The following PCSK2 variants were observed in gnomAD, a reference collection of about 807,000 sequenced individuals.
PCSK2 encodes the protein proprotein convertase subtilisin/kexin type 2.
PCSK2 carries 14 observed loss-of-function variants against 69.7 expected under a neutral mutation model. The observed-to-expected ratio is 0.20, with a 90% CI of 0.13 to 0.31. PCSK2 has a LOEUF of 0.31. Among genes scored for constraint, PCSK2 ranks in the 10% least tolerant of loss-of-function variants. The pLI is 1.00. For synonymous variants in PCSK2, 307 were observed against 320.7 expected (o/e 0.96, Z 0.46); for missense variants, 544 against 842.5 (o/e 0.65, Z 4.39).
intron 7 of PCSK2, among the ~76,000 whole-genome samples, chr20:17,435,852 G>A (rs557035192): frequency 1.1e-4 from 16 of 152,282 alleles, no homozygotes; most frequent in African/African-American, 3.9e-4. Flanking sequence ...ACCCAATGGC[G>A]GCTACTGAGA....
At chr20:17,392,558 TC>T (rs1345264639) in intron 5 of PCSK2, among the ~76,000 whole-genome samples, 2 of 152,164 alleles carry the variant, frequency 1.3e-5, no homozygotes, top group African/African-American at 4.8e-5. Flanking sequence ...AGGCAGAACA[TC>T]CCCATCACCC....
chr20:17,418,254 A>G (rs1055681325), intron 6 of PCSK2, among the ~76,000 whole-genome samples: 4 of 152,232 alleles, frequency 2.6e-5, no homozygotes, highest in African/African-American at 9.6e-5. Context: ...CAGAGAGGTT[A>G]AGTTACTTGT....
chr20:17,268,389 A>G (rs1006757512), intron 2 of PCSK2, among the ~76,000 whole-genome samples: 1 of 152,142 alleles, frequency 6.6e-6, no homozygotes, highest in Admixed American at 6.6e-5. Context: ...AGGGAGAGCC[A>G]TAGAGGGGTG....
chr20:17,233,765 A>G (rs1329272373), intron 1 of PCSK2, among the ~76,000 whole-genome samples: 2 of 152,178 alleles, frequency 1.3e-5, no homozygotes, highest in Non-Finnish European at 2.9e-5. Flanking sequence ...CTCCTTCTTC[A>G]TGGGCTGCAG....
intron 1 of PCSK2, among the ~76,000 whole-genome samples, chr20:17,254,399 AT>A (rs1053404220): frequency 5.3e-5 from 8 of 152,094 alleles, no homozygotes; most frequent in African/African-American, 1.7e-4. Context: ...ATCCAAATTC[AT>A]TTTTTTCATG....
At chr20:17,347,816 GAAAGAAAGA>G (rs2123185714) in intron 2 of PCSK2, among the ~76,000 whole-genome samples, 1 of 124,052 alleles carries the variant, frequency 8.1e-6, no homozygotes, top group East Asian at 2.3e-4. Context: ...AAGAAAGAAA[GAAAGAAAGA>G]AAGAAAGAAA....
chr20:17,286,908 T>A (rs753316494), intron 2 of PCSK2, among the ~76,000 whole-genome samples: 8 of 152,216 alleles, frequency 5.3e-5, no homozygotes, highest in Non-Finnish European at 1.2e-4. Flanking sequence ...GAGATATTTA[T>A]TTTAAGGAAT....
chr20:17,304,410 T>C (rs987723016), intron 2 of PCSK2, among the ~76,000 whole-genome samples: 1 of 152,200 alleles, frequency 6.6e-6, no homozygotes, highest in African/African-American at 2.4e-5. Flanking sequence ...AATTTCAGCA[T>C]AACATTCTTT....
At chr20:17,362,697 C>T (rs2030441071) in intron 4 of PCSK2, among the ~76,000 whole-genome samples, 1 of 152,206 alleles carries the variant, frequency 6.6e-6, no homozygotes, top group Admixed American at 6.5e-5. Context: ...CTGGAATGGG[C>T]ACCGGTAACT....
intron 10 of PCSK2, among the ~76,000 whole-genome samples, chr20:17,459,505 T>C (rs2032978275): frequency 6.6e-6 from 1 of 152,202 alleles, no homozygotes; most frequent in African/African-American, 2.4e-5. Context: ...AATAGTTTCC[T>C]GAAGTGGGTG....
intron 1 of PCSK2, among the ~76,000 whole-genome samples, chr20:17,238,307 T>C (rs1214542750): frequency 6.6e-6 from 1 of 152,134 alleles, no homozygotes; most frequent in Non-Finnish European, 1.5e-5. Context: ...GAGATTGCTA[T>C]CCCACCAGAA....
At chr20:17,409,979 A>G (rs1157634244) in intron 6 of PCSK2, among the ~76,000 whole-genome samples, 1 of 152,258 alleles carries the variant, frequency 6.6e-6, no homozygotes, top group Non-Finnish European at 1.5e-5. Flanking sequence ...ATGAAGAAAT[A>G]AAGATGTGCG....
chr20:17,309,817 A>G (rs1379241504), intron 2 of PCSK2, among the ~76,000 whole-genome samples: 1 of 141,872 alleles, frequency 7.0e-6, no homozygotes, highest in African/African-American at 2.6e-5. Flanking sequence ...GACTCCATCA[A>G]AAGGAGAGAA....
chr20:17,446,032 C>G (rs1343288097), intron 8 of PCSK2, among the ~76,000 whole-genome samples: 3 of 152,176 alleles, frequency 2.0e-5, no homozygotes, highest in Admixed American at 2.0e-4. Flanking sequence ...GTTGGTCACC[C>G]ACCCTTTGGC....
chr20:17,416,880 G>T (rs999593194), intron 6 of PCSK2, among the ~76,000 whole-genome samples: 7 of 152,290 alleles, frequency 4.6e-5, no homozygotes, highest in Middle Eastern at 3.4e-3. Context: ...CAGGGACATG[G>T]ATGAAGCTGG....
rs375096761 is a variant in PCSK2, at chr20:17,436,698, G to T, written c.710-10G>T. On this transcript the variant is annotated splice_polypyrimidine_tract_variant and intron_variant, in intron 7 of 11. Coordinates refer to ENST00000262545, the MANE Select transcript of PCSK2 (RefSeq NM_002594.5). ...CCAAACATGGTGTCCTCTGCTCAAC[G>T]TGTCCACAGGCATCCGGATGCTGGA... is the stretch of plus-strand genomic sequence containing the variant. 1 of 1,607,678 alleles carries T rather than the reference G, an allele frequency of 6.2e-7. No homozygotes were observed. Among genetic ancestry groups the T allele is most frequent in the African/African-American group, 1.3e-5 (1 of 74,820 alleles).
At chr20:17,358,136 C>CA (rs935520451) in intron 2 of PCSK2, among the ~76,000 whole-genome samples, 191 bp from the exon 3 acceptor site, 6 of 151,222 alleles carry the variant, frequency 4.0e-5, no homozygotes, top group East Asian at 1.9e-4. Flanking sequence ...CGAGACCCCC[C>CA]CTAATCTCTA....
intron 2 of PCSK2, among the ~76,000 whole-genome samples, chr20:17,308,429 C>CA (rs890009872): frequency 2.0e-5 from 3 of 152,112 alleles, no homozygotes; most frequent in Non-Finnish European, 4.4e-5. Flanking sequence ...TGAATCCCCC[C>CA]AAAAAAGAAC....
chr20:17,243,038 A>T (rs1454609671), intron 1 of PCSK2, among the ~76,000 whole-genome samples: 1 of 152,094 alleles, frequency 6.6e-6, no homozygotes, highest in Non-Finnish European at 1.5e-5. Flanking sequence ...ATAGCTTATG[A>T]GTCATTGGGT....
Sources: gnomAD v4.1 joint callset for allele counts (sites outside exome capture counted in the v4.1 genomes callset) on GRCh38, gnomAD v4.1.1 for gene constraint, MANE v1.5 for transcripts, NCBI Gene and HGNC (gene_info 2026-07-23, HGNC 2026-07-21) for gene names.